Variants in TET3 observed in about 807,000 individuals in gnomAD.
The protein encoded by TET3 is methylcytosine dioxygenase TET3.
A neutral mutation model predicts 141.4 loss-of-function variants in TET3; 19 were observed. The ratio of observed to expected loss-of-function variants is 0.13; its 90% CI spans 0.09 to 0.20. The LOEUF (loss-of-function observed/expected upper bound fraction) is 0.20. Among genes scored for constraint, TET3 ranks in the 10% least tolerant of loss-of-function variants. The probability of loss-of-function intolerance (pLI) is 1.00; values close to 1 mark genes in which losing one functional copy is unlikely to be tolerated. For synonymous variants in TET3, 1,043 were observed against 980.9 expected (o/e 1.06, Z -1.18); for missense variants, 1,874 against 2,356.9 (o/e 0.80, Z 4.24).
intron 5 of TET3, among the ~76,000 whole-genome samples, chr2:74,077,183 CAG>C (rs1400786166): frequency 6.6e-6 from 1 of 152,218 alleles, no homozygotes; most frequent in Non-Finnish European, 1.5e-5. Context: ...TACTGTGTGA[CAG>C]AGACAATCCT....
At chr2:73,987,914 T>C (rs1221791013) in intron 2 of TET3, among the ~76,000 whole-genome samples, 4 of 152,196 alleles carry the variant, frequency 2.6e-5, no homozygotes, top group Non-Finnish European at 5.9e-5. Context: ...CTGGTGGGGC[T>C]GGTCCCGTGG....
intron 3 of TET3, among the ~76,000 whole-genome samples, chr2:74,025,520 G>A (rs968576950): frequency 6.6e-6 from 1 of 151,984 alleles, no homozygotes; most frequent in African/African-American, 2.4e-5. Context: ...ATCTCCTGAT[G>A]TCGTGATCCG....
rs184132606 is a variant in TET3, at chr2:74,024,484, G to A, written c.360+21318G>A. Among the ~76,000 whole-genome samples the A allele has an allele frequency of 8.5e-5, 13 of 152,126 alleles. No homozygotes were observed. In the East Asian group the frequency reaches 2.5e-3, roughly 29 times the overall value. On this transcript the variant is annotated intron_variant, in intron 3 of 11. Transcript: ENST00000409262. ...TGCCCAGCCTGGAGACCATCCAGGC[G>A]GCCCCCTTCTTCCTTGCCCTCTGCT...
chr2:73,992,090 G>A (rs774790859), intron 2 of TET3, among the ~76,000 whole-genome samples: 13 of 152,118 alleles, frequency 8.5e-5, no homozygotes, highest in Non-Finnish European at 1.6e-4. Context: ...TGATAACAAT[G>A]TCTTGTATAT....
chr2:74,083,660 C>G (rs13021880), intron 6 of TET3, among the ~76,000 whole-genome samples: 60,247 of 152,048 alleles, frequency 0.4, 15,166 homozygotes, highest in African/African-American at 0.72. Flanking sequence ...CTCCTTCATA[C>G]GAGTGTGGGT....
intron 1 of TET3, among the ~76,000 whole-genome samples, chr2:73,985,678 T>TG (rs1228833452): frequency 6.6e-6 from 1 of 151,942 alleles, no homozygotes; most frequent in Non-Finnish European, 1.5e-5. Flanking sequence ...CCAGGGCGTG[T>TG]GGGGGAATTT....
Position 74,099,308 on chromosome 2 carries a change from C to T in TET3, c.3300C>T (p.Cys1100=), listed in dbSNP as rs779499652. 1.9e-5 allele frequency: 31 copies of T among 1,609,406 alleles called. No individual in the cohort carries two copies. The Middle Eastern group carries it at 4.9e-4, about 26-fold the overall frequency. ...CCCTGACCAAGGAAGACAATCGCTG[C>T]GTGGGCAAGATTCCCGAGGATGAGC... ...VCTLTKEDNR[C]VGKIPEDEQL... is the part of the protein sequence containing the mutation. The change falls in exon 11 of 12, where the codon TGC becomes TGT. Residue 1100 remains cysteine (C), a synonymous_variant. Coordinates refer to ENST00000409262, the MANE Select transcript of TET3 (RefSeq NM_001287491.2).
chr2:74,080,882 C>T (rs1315708501), intron 6 of TET3, among the ~76,000 whole-genome samples: 5 of 152,132 alleles, frequency 3.3e-5, no homozygotes. Context: ...TCTTCACACT[C>T]GGCTCATCCT....
chr2:74,054,694 A>T (rs1688121993), intron 4 of TET3, among the ~76,000 whole-genome samples: 1 of 152,186 alleles, frequency 6.6e-6, no homozygotes, highest in African/African-American at 2.4e-5. Flanking sequence ...TGTGGAAAAG[A>T]TGTGGGAAGA....
At chr2:74,056,302 A>G (rs1348023781) in intron 4 of TET3, among the ~76,000 whole-genome samples, 1 of 152,194 alleles carries the variant, frequency 6.6e-6, no homozygotes, top group Non-Finnish European at 1.5e-5. Flanking sequence ...TTAGGTAGTA[A>G]TGAGTGGTTT....
At chr2:74,066,392 G>GTATA (rs532572205) in intron 4 of TET3, among the ~76,000 whole-genome samples, 1 of 152,134 alleles carries the variant, frequency 6.6e-6, no homozygotes, top group African/African-American at 2.4e-5. Context: ...TGGTGGTAGT[G>GTATA]TATATATATA....
chr2:74,090,114 G>T, intron 8 of TET3, 67 bp downstream of exon 8: 1 of 1,591,128 alleles, frequency 6.3e-7, no homozygotes, highest in South Asian at 1.1e-5. Context: ...ATGGTCCAGC[G>T]GGAGGTAGTA....
rs767301030 is a variant in TET3, at chr2:74,100,997, G to C, written c.4209G>C (p.Pro1403=). ...NRSIKQEPVD[P]LTQAEPVPRD... ...CCATCAAGCAAGAGCCAGTAGACCCGCTGACCCAGGCTGAGCCTGTGCCCA... is the reference window on the plus strand; with the variant it reads ...CCATCAAGCAAGAGCCAGTAGACCCCCTGACCCAGGCTGAGCCTGTGCCCA... Residue 1403 remains proline, a synonymous_variant, in exon 12 of 12, where the codon CCG becomes CCC. Transcript: ENST00000409262. 9.9e-6 allele frequency: 16 copies of C among 1,612,586 alleles called. No homozygotes were observed. The highest frequency in any genetic ancestry group is 6.7e-5 in the East Asian group (3 of 44,846).
chr2:74,100,574 C>T lies in TET3; in HGVS notation c.3786C>T (p.Ser1262=). ...YSMNSVYSYH[S]YYAQPSLTSV... is the part of the protein sequence containing the mutation. The stretch of plus-strand genomic sequence containing the variant: ...TGAACAGCGTGTACTCCTACCACTC[C>T]TACTATGCACAGCCCAGCCTGACCT... Residue 1262 remains serine (S), a synonymous_variant, in exon 12 of 12, where the codon TCC becomes TCT. Coordinates refer to ENST00000409262, the MANE Select transcript of TET3 (RefSeq NM_001287491.2). The T allele has an allele frequency of 1.2e-6, 2 of 1,613,694 alleles. No homozygotes were observed. Among genetic ancestry groups the T allele is most frequent in the Non-Finnish European group, 1.7e-6 (2 of 1,179,782 alleles).
intron 3 of TET3, 150 bp downstream of exon 3, chr2:74,003,316 G>T: frequency 1.0e-6 from 1 of 975,576 alleles, no homozygotes; most frequent in Non-Finnish European, 1.5e-6. Flanking sequence ...GGGCGGCGGG[G>T]GTGTGGGCGG....
intron 3 of TET3, among the ~76,000 whole-genome samples, chr2:74,034,044 C>T (rs1354868629): frequency 2.0e-5 from 3 of 151,580 alleles, no homozygotes; most frequent in Non-Finnish European, 2.9e-5. Context: ...TGCAGTGAGC[C>T]GAGATCGTGC....
At chr2:74,062,821 G>A (rs1371526849) in intron 4 of TET3, among the ~76,000 whole-genome samples, 2 of 151,388 alleles carry the variant, frequency 1.3e-5, no homozygotes, top group Admixed American at 6.6e-5. Context: ...TTGTTTCACT[G>A]TGAGAAAAAA....
intron 4 of TET3, among the ~76,000 whole-genome samples, chr2:74,072,728 C>T (rs1391631827): frequency 1.3e-5 from 2 of 152,142 alleles, no homozygotes; most frequent in African/African-American, 4.8e-5. Flanking sequence ...GAAACTCTGT[C>T]CCATTAAGCA....
At chr2:74,039,678 A>G (rs1208715594) in intron 3 of TET3, among the ~76,000 whole-genome samples, 1 of 152,212 alleles carries the variant, frequency 6.6e-6, no homozygotes, top group Non-Finnish European at 1.5e-5. Flanking sequence ...CTAGGAAGGC[A>G]TAAAAGCTGG....
Sources: allele counts gnomAD v4.1 joint callset (sites outside exome capture counted in the v4.1 genomes callset), GRCh38; gene constraint gnomAD v4.1.1; transcripts MANE v1.5; gene names NCBI Gene and HGNC (gene_info 2026-07-23, HGNC 2026-07-21).